The following KCNH8 variants were observed in gnomAD, a reference collection of about 807,000 sequenced individuals.
KCNH8 encodes the protein voltage-gated delayed rectifier potassium channel KCNH8.
In KCNH8, 70 loss-of-function variants were observed where a neutral mutation model predicts 103.6. That is an observed-to-expected ratio of 0.68 (90% CI 0.56 to 0.82). The LOEUF (loss-of-function observed/expected upper bound fraction) is 0.82, where lower values mean the gene tolerates loss of function less well. KCNH8 is among the 40% of genes least tolerant of loss of function. KCNH8 has a pLI of 0.00. For synonymous variants in KCNH8, 498 were observed against 489.4 expected (o/e 1.02, Z -0.23); for missense variants, 1,217 against 1,329.9 (o/e 0.92, Z 1.32).
rs2068808580 is a variant in KCNH8, at chr3:19,512,992, A to G, written c.2102A>G (p.Asn701Ser). Residue 701 changes from asparagine (N) to serine (S), a missense_variant, in exon 13 of 16, where the codon AAC becomes AGC. Asn to Ser is a conservative substitution (Grantham distance 46). Coordinates refer to ENST00000328405, the MANE Select transcript of KCNH8 (RefSeq NM_144633.3). ...TAGTCAGAGCCCAAGGGAAATGGCA[A>G]CATCAACAAGCGACTCCCATCCATT... ...VSQSEPKGNGNINKRLPSIVE... is the reference protein window; with the variant it reads ...VSQSEPKGNGSINKRLPSIVE... The G allele has an allele frequency of 2.5e-6, 4 of 1,613,502 alleles. No homozygotes were observed. The highest frequency in any genetic ancestry group is 1.7e-5 in the Admixed American group (1 of 59,896).
intron 5 of KCNH8, among the ~76,000 whole-genome samples, chr3:19,382,775 A>G (rs1440497656): frequency 6.6e-6 from 1 of 152,094 alleles, no homozygotes; most frequent in Non-Finnish European, 1.5e-5. Context: ...TGGCTTTACA[A>G]AAACACCTAT....
intron 5 of KCNH8, among the ~76,000 whole-genome samples, chr3:19,389,413 TGATGCAGGGAAA>T (rs765473657): frequency 2.5e-4 from 38 of 152,106 alleles, no homozygotes; most frequent in Non-Finnish European, 1.2e-4. Context: ...AACTAAATAA[TGATGCAGGGAAA>T]GATTGAAAAC....
rs373622554 is a variant in KCNH8, at chr3:19,253,804, A to C, written c.227A>C (p.Asn76Thr). The C allele has an allele frequency of 1.2e-6, 2 of 1,613,846 alleles. No homozygotes were observed. Among genetic ancestry groups the C allele is most frequent in the Admixed American group, 1.7e-5 (1 of 59,976 alleles). Residue 76 changes from asparagine to threonine, a missense_variant, in exon 2 of 16, where the codon AAT becomes ACT. Asn to Thr is a moderately conservative substitution (Grantham distance 65). Transcript: ENST00000328405. Reference protein sequence around the residue: ...SCKFLFGVETNEQLMLQIEKS... With the variant: ...SCKFLFGVETTEQLMLQIEKS... ...AAGTTCTTATTTGGGGTTGAAACCA[A>C]TGAGCAACTGATGCTTCAAATAGAA...
Position 19,450,623 on chromosome 3 carries a change from A to G in KCNH8, c.1575+318A>G, listed in dbSNP as rs878936189. ...TAACAGTGTAATCTGGGATAATTAT[A>G]TTAATCAAGTTTCTGTTTCCCTTAA... On this transcript the variant is annotated intron_variant, in intron 9 of 15. Coordinates refer to ENST00000328405, the MANE Select transcript of KCNH8 (RefSeq NM_144633.3). 2.7e-5 allele frequency: 9 copies of G among 332,728 alleles called. No individual in the cohort carries two copies. The Admixed American group carries it at 3.8e-4, about 14-fold the overall frequency. 20.6% of individuals were successfully genotyped at this position (332,728 alleles called of 1,614,324 possible).
intron 1 of KCNH8, among the ~76,000 whole-genome samples, chr3:19,170,581 C>CATATATATATATAT: frequency 7.8e-6 from 1 of 128,532 alleles, no homozygotes; most frequent in African/African-American, 3.5e-5. Flanking sequence ...CTTCTTGGGG[C>CATATATATATATAT]ATCTATATAT....
At chr3:19,332,628 C>A (rs2065526700) in intron 3 of KCNH8, among the ~76,000 whole-genome samples, 1 of 151,832 alleles carries the variant, frequency 6.6e-6, no homozygotes, top group Non-Finnish European at 1.5e-5. Context: ...GACTGTTTTT[C>A]TTTTTATTTT....
At chr3:19,240,598 G>A (rs1395489588) in intron 1 of KCNH8, among the ~76,000 whole-genome samples, 1 of 147,760 alleles carries the variant, frequency 6.8e-6, no homozygotes, top group Non-Finnish European at 1.5e-5. Context: ...GGCAACAAGA[G>A]CGAAACTCTG....
In KCNH8 at chr3:19,533,881, T is replaced by A. The variant is rs1193348525; in HGVS notation, c.3106T>A (p.Ser1036Thr). ...ISATLSSSVC[S>T]SSETSLHLVL... is the part of the protein sequence containing the mutation. ...AGCAACTCTCTCATCTTCTGTCTGC[T>A]CCTCTTCGGAAACATCTTTGCACCT... Residue 1036 changes from serine (S) to threonine (T), a missense_variant, in exon 16 of 16, where the codon TCC (serine) becomes ACC (threonine). By Grantham distance (58) the Ser-to-Thr change is moderately conservative. This residue lies in a region of KCNH8 where 558 missense variants were observed against 495.8 expected (regional missense o/e 1.13). Coordinates refer to ENST00000328405, the MANE Select transcript of KCNH8 (RefSeq NM_144633.3). 2 of 1,614,164 alleles carry A rather than the reference T, an allele frequency of 1.2e-6. No individual in the cohort carries two copies. The highest frequency in any genetic ancestry group is 2.2e-5 in the South Asian group (2 of 91,090).
chr3:19,299,386 C>G (rs2065035760), intron 3 of KCNH8, among the ~76,000 whole-genome samples: 1 of 151,842 alleles, frequency 6.6e-6, no homozygotes, highest in African/African-American at 2.4e-5. Context: ...TCCCAGCCAC[C>G]CAGGAGGGTG....
chr3:19,212,471 T>A (rs1350961924), intron 1 of KCNH8, among the ~76,000 whole-genome samples: 2 of 152,238 alleles, frequency 1.3e-5, no homozygotes, highest in African/African-American at 4.8e-5. Flanking sequence ...TATGTATTTC[T>A]GGGTAGTAAT....
Position 19,243,343 on chromosome 3 carries a change from T to C in KCNH8, c.77-10311T>C, listed in dbSNP as rs894460832. Among the ~76,000 whole-genome samples the C allele has an allele frequency of 7.9e-5, 12 of 152,148 alleles. 1 individual carries two copies. Among genetic ancestry groups the C allele is most frequent in the Admixed American group, 5.2e-4 (8 of 15,264 alleles). On this transcript the variant is annotated intron_variant, in intron 1 of 15. Coordinates refer to ENST00000328405, the MANE Select transcript of KCNH8 (RefSeq NM_144633.3). ...ATCACCTTAATTAAAGTTTGTTTTT[T>C]CCATCTCTGCATTATTATAATGACT...
At chr3:19,479,375 A>G (rs2068041927) in intron 11 of KCNH8, among the ~76,000 whole-genome samples, 2 of 152,292 alleles carry the variant, frequency 1.3e-5, no homozygotes, top group Admixed American at 1.3e-4. Flanking sequence ...AAATGTTAAA[A>G]TATCATCAGT....
chr3:19,421,544 T>A (rs1490352143), intron 7 of KCNH8, among the ~76,000 whole-genome samples: 1 of 152,086 alleles, frequency 6.6e-6, no homozygotes, highest in Non-Finnish European at 1.5e-5. Flanking sequence ...TTGATTTTAT[T>A]GAAATTATTT....
chr3:19,185,246 A>G (rs929255416), intron 1 of KCNH8, among the ~76,000 whole-genome samples: 21 of 151,926 alleles, frequency 1.4e-4, no homozygotes, highest in Non-Finnish European at 2.8e-4. Flanking sequence ...CATTTCTATC[A>G]GTAATATTTT....
Position 19,350,889 on chromosome 3 carries a change from G to A in KCNH8, c.811+2924G>A, listed in dbSNP as rs377048739. ...AAGCTGGATGGAGAATGACTTTGAC[G>A]AGTTGAGAGAAGACGGCTTCAGACA... On this transcript the variant is annotated intron_variant, in intron 5 of 15. Transcript: ENST00000328405. 1.3e-3 allele frequency among the ~76,000 whole-genome samples: 191 copies of A among 152,230 alleles called. 1 individual carries two copies. Among genetic ancestry groups the A allele is most frequent in the South Asian group, 6.4e-3 (31 of 4,822 alleles).
intron 5 of KCNH8, among the ~76,000 whole-genome samples, chr3:19,372,916 T>C (rs1397446378): frequency 2.0e-5 from 3 of 152,068 alleles, no homozygotes; most frequent in Non-Finnish European, 2.9e-5. Context: ...ATTACATTTA[T>C]TGATTTGCGT....
rs550577756 is a variant in KCNH8 at position 19,241,160 on chromosome 3, CTTCTT to C, written c.77-12488_77-12484del. On this transcript the variant is annotated intron_variant, in intron 1 of 15. Transcript: ENST00000328405. ...TTTTCTTTCTTTCCTCTCTCCCTCT[CTTCTT>C]TTCTTCCTTCCTTTCATTCTGAAGA... Among the ~76,000 whole-genome samples, 84 of 152,260 alleles carry C rather than the reference CTTCTT, an allele frequency of 5.5e-4. 1 individual carries two copies. Among genetic ancestry groups the C allele is most frequent in the African/African-American group, 2.0e-3 (84 of 41,554 alleles).
chr3:19,418,865 A>G (rs189794479), intron 7 of KCNH8, among the ~76,000 whole-genome samples: 1 of 152,352 alleles, frequency 6.6e-6, no homozygotes, highest in East Asian at 1.9e-4. Context: ...GTTTTTAGGT[A>G]AAGGTCTCAT....
chr3:19,401,406 T>C lies in KCNH8; in HGVS notation c.1177+6095T>C, dbSNP rs535896208. Among the ~76,000 whole-genome samples, 209 of 152,156 alleles carry C rather than the reference T, an allele frequency of 1.4e-3. 1 individual carries two copies. The highest frequency in any genetic ancestry group is 4.8e-3 in the African/African-American group (201 of 41,564). On this transcript the variant is annotated intron_variant, in intron 7 of 15. Transcript: ENST00000328405. ...TTATTTGGACATAGTTTATTTCTGA[T>C]GGACAAAGGAGGTCTATCTAAAAGC...
Sources: allele counts gnomAD v4.1 joint callset (sites outside exome capture counted in the v4.1 genomes callset), GRCh38; gene constraint gnomAD v4.1.1; regional missense constraint gnomAD v4.1.1; transcripts MANE v1.5; gene names NCBI Gene and HGNC (gene_info 2026-07-23, HGNC 2026-07-21).